UBE3C: variants seen among roughly 807,000 people sequenced by gnomAD.
The protein encoded by UBE3C is ubiquitin protein ligase E3C.
Under a neutral mutation model 129.4 loss-of-function variants are expected in UBE3C, and 42 were observed. The observed-to-expected ratio is 0.32, with a 90% CI of 0.25 to 0.42. UBE3C has a LOEUF of 0.42. Among genes scored for constraint, UBE3C ranks in the 10% least tolerant of loss-of-function variants. UBE3C has a pLI of 1.00. For synonymous variants in UBE3C, 510 were observed against 492.4 expected (o/e 1.04, Z -0.47); for missense variants, 1,049 against 1,319.1 (o/e 0.80, Z 3.17).
intron 1 of UBE3C, among the ~76,000 whole-genome samples, chr7:157,160,136 A>AT (rs1808029296): frequency 2.0e-5 from 3 of 150,574 alleles, no homozygotes; most frequent in African/African-American, 7.4e-5. Context: ...GTGCAGTGGC[A>AT]TGATTTCGGC....
rs566917670 is a variant in UBE3C at position 157,200,392 on chromosome 7, G to C, written c.1332-1329G>C. On this transcript the variant is annotated intron_variant, in intron 10 of 22. Coordinates refer to ENST00000348165, the MANE Select transcript of UBE3C (RefSeq NM_014671.3). ...AGTGCCAATATGGAACAATGCATTTGATGTTTTGGATTGAGTGCAGGAAAT... is the reference window on the plus strand; with the variant it reads ...AGTGCCAATATGGAACAATGCATTTCATGTTTTGGATTGAGTGCAGGAAAT... 1.2e-4 allele frequency among the ~76,000 whole-genome samples: 19 copies of C among 152,262 alleles called. No individual in the cohort carries two copies. In the South Asian group the frequency reaches 3.9e-3, roughly 32 times the overall value.
At chr7:157,143,055 T>TG (rs1203360135) in intron 1 of UBE3C, among the ~76,000 whole-genome samples, 8 of 152,090 alleles carry the variant, frequency 5.3e-5, no homozygotes, top group African/African-American at 1.9e-4. Context: ...TTAGTAGAGA[T>TG]GGGGTTTCTC....
chr7:157,249,980 A>G (rs1003683958), intron 19 of UBE3C, among the ~76,000 whole-genome samples: 3 of 152,152 alleles, frequency 2.0e-5, no homozygotes, highest in African/African-American at 7.2e-5. Context: ...ACTCTTACTG[A>G]TAAGTATAAT....
chr7:157,186,561 A>G (rs1382157389), intron 9 of UBE3C, among the ~76,000 whole-genome samples: 1 of 152,134 alleles, frequency 6.6e-6, no homozygotes, highest in African/African-American at 2.4e-5. Flanking sequence ...AAAGTAGGAA[A>G]TGAAGTTTTT....
At chr7:157,241,237 T>C (rs1796312311) in intron 18 of UBE3C, among the ~76,000 whole-genome samples, 1 of 152,116 alleles carries the variant, frequency 6.6e-6, no homozygotes, top group Non-Finnish European at 1.5e-5. Flanking sequence ...AAAAATCCCG[T>C]CTTAGCTGTG....
intron 22 of UBE3C, among the ~76,000 whole-genome samples, chr7:157,263,497 C>T (rs1476461499): frequency 6.6e-6 from 1 of 152,098 alleles, no homozygotes; most frequent in East Asian, 1.9e-4. Flanking sequence ...AACCCCATCT[C>T]TACTAAAAAT....
intron 1 of UBE3C, among the ~76,000 whole-genome samples, chr7:157,149,884 C>T (rs1049377950): frequency 1.3e-5 from 2 of 152,154 alleles, no homozygotes; most frequent in Non-Finnish European, 2.9e-5. Flanking sequence ...AAAGCAGCTG[C>T]TTTCTGCATG....
chr7:157,151,645 A>G, intron 1 of UBE3C, among the ~76,000 whole-genome samples: 1 of 152,178 alleles, frequency 6.6e-6, no homozygotes, highest in East Asian at 1.9e-4. Context: ...TTCCTCAAAA[A>G]AGCCCAGTAG....
At chr7:157,176,182 A>G (rs1563041372) in intron 5 of UBE3C, among the ~76,000 whole-genome samples, 2 of 152,226 alleles carry the variant, frequency 1.3e-5, no homozygotes, top group African/African-American at 2.4e-5. Context: ...AAACACCTGA[A>G]GCCCAGGAGT....
intron 13 of UBE3C, among the ~76,000 whole-genome samples, chr7:157,209,689 T>C (rs1034785): frequency 0.47 from 70,760 of 152,124 alleles, 18,664 homozygotes; most frequent in African/African-American, 0.73. Context: ...TTTTATGGCA[T>C]CTGTTGAGAG....
chr7:157,240,565 G>A (rs944491620), intron 18 of UBE3C, among the ~76,000 whole-genome samples: 1 of 152,184 alleles, frequency 6.6e-6, no homozygotes, highest in Non-Finnish European at 1.5e-5. Flanking sequence ...TGTAGAGTCA[G>A]ATTTAACCAG....
At chr7:157,184,849 T>C (rs1808764757) in intron 9 of UBE3C, among the ~76,000 whole-genome samples, 1 of 152,186 alleles carries the variant, frequency 6.6e-6, no homozygotes, top group Non-Finnish European at 1.5e-5. Flanking sequence ...GGGCTTGATT[T>C]TTTTTAAAAA....
chr7:157,186,399 C>G (rs1156779741), intron 9 of UBE3C, among the ~76,000 whole-genome samples: 1 of 146,510 alleles, frequency 6.8e-6, no homozygotes, highest in African/African-American at 2.5e-5. Flanking sequence ...GTCTGGGTGA[C>G]AGAGCAAGAC....
intron 5 of UBE3C, 27 bp downstream of exon 5, chr7:157,175,061 G>T (rs182171073): frequency 5.9e-6 from 9 of 1,514,838 alleles, no homozygotes; most frequent in Non-Finnish European, 6.3e-6. Flanking sequence ...AGTCAGTAAC[G>T]TATATAATGT....
chr7:157,140,032 A>T (rs1038372932), intron 1 of UBE3C: 5 of 985,362 alleles, frequency 5.1e-6, no homozygotes, highest in Non-Finnish European at 6.0e-6. Context: ...ATTGTTTAGG[A>T]TAAGGGTAGG....
chr7:157,157,029 G>A (rs1035374938), intron 1 of UBE3C, among the ~76,000 whole-genome samples: 9 of 152,032 alleles, frequency 5.9e-5, no homozygotes, highest in East Asian at 3.9e-4. Flanking sequence ...ACTCATGTCC[G>A]GCCCAGGCGG....
chr7:157,209,307 G>C (rs935538880), intron 13 of UBE3C, among the ~76,000 whole-genome samples: 1 of 152,202 alleles, frequency 6.6e-6, no homozygotes, highest in African/African-American at 2.4e-5. Context: ...ATAATGTTTT[G>C]ATTGCACTGA....
intron 1 of UBE3C, among the ~76,000 whole-genome samples, chr7:157,146,299 T>C (rs183985470): frequency 1.5e-4 from 23 of 152,218 alleles, no homozygotes; most frequent in African/African-American, 4.6e-4. Context: ...TGGAGTGCAG[T>C]GGCGCAATCT....
intron 1 of UBE3C, among the ~76,000 whole-genome samples, chr7:157,152,908 A>AT (rs1434513332): frequency 6.6e-6 from 1 of 152,038 alleles, no homozygotes; most frequent in African/African-American, 2.4e-5. Flanking sequence ...ACGTTGTTTA[A>AT]TTTTTTGCCA....
Sources: gnomAD v4.1 joint callset for allele counts (sites outside exome capture counted in the v4.1 genomes callset) on GRCh38, gnomAD v4.1.1 for gene constraint, MANE v1.5 for transcripts, NCBI Gene and HGNC (gene_info 2026-07-23, HGNC 2026-07-21) for gene names.